The following ADCY10 variants were observed in gnomAD, a reference collection of about 807,000 sequenced individuals.
The protein encoded by ADCY10 is adenylate cyclase 10, also known as adenylate cyclase type 10.
In ADCY10, 156 loss-of-function variants were observed where a neutral mutation model predicts 183.3. That is an observed-to-expected ratio of 0.85 (90% CI 0.75 to 0.97). The LOEUF (loss-of-function observed/expected upper bound fraction) is 0.97, where lower values mean the gene tolerates loss of function less well. ADCY10 is among the 50% of genes least tolerant of loss of function. ADCY10 has a pLI of 0.00. For missense variants in ADCY10, 1,745 were observed against 1,934.3 expected, an observed-to-expected ratio of 0.90 and a Z score of 1.84; for synonymous variants, 645 against 670.0, an observed-to-expected ratio of 0.96 and a Z score of 0.58.
intron 8 of ADCY10, among the ~76,000 whole-genome samples, chr1:167,888,599 G>A (rs1668384435): frequency 6.6e-6 from 1 of 152,010 alleles, no homozygotes; most frequent in Non-Finnish European, 1.5e-5. Context: ...TTTTTGGGCC[G>A]GGCGCGGTGG....
chr1:167,911,301 C>T (rs973348501), intron 1 of ADCY10, among the ~76,000 whole-genome samples: 1 of 152,180 alleles, frequency 6.6e-6, no homozygotes, highest in Non-Finnish European at 1.5e-5. Flanking sequence ...AAAATTTATT[C>T]AAAGACCTGT....
intron 2 of ADCY10, chr1:167,904,522 C>T: frequency 3.7e-6 from 1 of 271,540 alleles, no homozygotes; most frequent in Non-Finnish European, 6.9e-6. Context: ...TCCAAATTCT[C>T]AACTGTACAG....
chr1:167,828,348 G>A (rs185782038), intron 26 of ADCY10, among the ~76,000 whole-genome samples: 49 of 152,212 alleles, frequency 3.2e-4, no homozygotes, highest in Admixed American at 1.9e-3. Flanking sequence ...TAAAATCTTT[G>A]ATGTGTACTT....
At chr1:167,848,635 T>C in intron 18 of ADCY10, 146 bp from the exon 19 acceptor site, 1 of 856,254 alleles carries the variant, frequency 1.2e-6, no homozygotes, top group Non-Finnish European at 1.8e-6. Flanking sequence ...GAAACCTTTT[T>C]TTTGTTTTGT....
At chr1:167,825,629 A>G (rs182809718) in intron 26 of ADCY10, among the ~76,000 whole-genome samples, 1 of 151,998 alleles carries the variant, frequency 6.6e-6, no homozygotes, top group Non-Finnish European at 1.5e-5. Context: ...AAAAGATTTT[A>G]AAAAAAAGTA....
At chr1:167,898,142 C>T (rs969856867) in intron 6 of ADCY10, among the ~76,000 whole-genome samples, 1 of 151,018 alleles carries the variant, frequency 6.6e-6, no homozygotes. Flanking sequence ...TAGTATTGTA[C>T]CAATGTTAAT....
intron 1 of ADCY10, among the ~76,000 whole-genome samples, chr1:167,913,404 AAG>A (rs770396801): frequency 2.2e-4 from 34 of 152,168 alleles, no homozygotes; most frequent in Non-Finnish European, 4.3e-4. Flanking sequence ...CACGAGTCCA[AAG>A]AGGGAGATAC....
chr1:167,878,714 A>G, intron 11 of ADCY10, 79 bp from the exon 12 acceptor site: 4 of 1,442,650 alleles, frequency 2.8e-6, no homozygotes, highest in South Asian at 1.2e-5. Context: ...ATTGTCCCCA[A>G]ATAGCATTTT....
chr1:167,884,189 C>G (rs1292552648), intron 8 of ADCY10, among the ~76,000 whole-genome samples: 1 of 152,146 alleles, frequency 6.6e-6, no homozygotes, highest in Non-Finnish European at 1.5e-5. Context: ...CTACCTGATA[C>G]TGGGTAATTT....
At position 167,883,448 on chromosome 1, in the gene ADCY10, T is replaced by C; in HGVS notation, c.1009A>G (p.Met337Val). ...IFQGQINKVF[M>V]FDKGCSFLCV... is the part of the protein sequence containing the mutation. Reference sequence around the variant, plus strand: ...TAGTTCACACTTACCTTGTCAAACATGAAGACTTTATTGATTTGGCCTTGG... The same window carrying C: ...TAGTTCACACTTACCTTGTCAAACACGAAGACTTTATTGATTTGGCCTTGG... Residue 337 changes from methionine to valine, a missense_variant, in exon 9 of 33, where the codon ATG becomes GTG. Physicochemically the swap from Met to Val is conservative, Grantham distance 21. Coordinates refer to ENST00000367851, the MANE Select transcript of ADCY10 (RefSeq NM_018417.6). 1 of 1,614,226 alleles carries C rather than the reference T, an allele frequency of 6.2e-7. No homozygotes were observed. The highest frequency in any genetic ancestry group is 8.5e-7 in the Non-Finnish European group (1 of 1,180,034).
intron 14 of ADCY10, among the ~76,000 whole-genome samples, chr1:167,865,260 A>C (rs1666600202): frequency 6.6e-6 from 1 of 152,192 alleles, no homozygotes; most frequent in South Asian, 2.1e-4. Context: ...TTGTTTTGAA[A>C]GTTTAAGCAA....
intron 18 of ADCY10, among the ~76,000 whole-genome samples, chr1:167,849,881 G>A (rs1014693956): frequency 2.0e-5 from 3 of 152,198 alleles, no homozygotes; most frequent in African/African-American, 7.2e-5. Flanking sequence ...AGTACTTAGC[G>A]AGTTAGGGGA....
At chr1:167,853,905 C>A (rs1231805943) in intron 18 of ADCY10, among the ~76,000 whole-genome samples, 1 of 130,868 alleles carries the variant, frequency 7.6e-6, no homozygotes, top group Non-Finnish European at 1.6e-5. Flanking sequence ...GTGGTGCAAT[C>A]TCAGCTCACT....
At chr1:167,826,182 C>T (rs1663274346) in intron 26 of ADCY10, among the ~76,000 whole-genome samples, 1 of 152,110 alleles carries the variant, frequency 6.6e-6, no homozygotes, top group African/African-American at 2.4e-5. Flanking sequence ...GGAACATGTT[C>T]CAGATAATGC....
At chr1:167,812,376 A>G (rs1340241380) in intron 31 of ADCY10, among the ~76,000 whole-genome samples, 1 of 152,222 alleles carries the variant, frequency 6.6e-6, no homozygotes, top group Non-Finnish European at 1.5e-5. Flanking sequence ...TATAAAAGGA[A>G]AATTAGAAAG....
Position 167,905,123 on chromosome 1 carries a change from T to A in ADCY10, c.18A>T (p.Glu6Asp), listed in dbSNP as rs1190575616. 1.9e-6 allele frequency: 3 copies of A among 1,614,240 alleles called. No individual in the cohort carries two copies. Among genetic ancestry groups the A allele is most frequent in the Non-Finnish European group, 2.5e-6 (3 of 1,180,044 alleles). ...TGACTATGGGCCAGTCCTGGAATTC[T>A]TCTTTTGGAGTGTTCATGTTCAAGA... MNTPK[E>D]EFQDWPIVRI... The change falls in exon 2 of 33, where the codon GAA becomes GAT. Residue 6 changes from glutamate (E) to aspartate (D), a missense_variant. Transcript: ENST00000367851.
rs144341871 is a variant in ADCY10, at chr1:167,833,036, T to A, written c.3544A>T (p.Arg1182Ter). The A allele has an allele frequency of 2.5e-6, 4 of 1,614,170 alleles. No individual in the cohort carries two copies. The highest frequency in any genetic ancestry group is 3.4e-6 in the Non-Finnish European group (4 of 1,180,018). Residue 1182 changes from arginine (R) to a stop codon, truncating the protein, a stop_gained, in exon 25 of 33, where the codon AGA (arginine) becomes TGA (stop). Transcript: ENST00000367851. LOFTEE classifies it high-confidence loss of function. ...LFLHIHVEKN[R>*]HFHYVNRQAQ... ...TGCCGATTCACATAATGAAAGTGTC[T>A]GTTTTTCTCGACATGGATATGGAGA...
At chr1:167,831,837 G>A (rs1328992139) in intron 25 of ADCY10, among the ~76,000 whole-genome samples, 1 of 152,172 alleles carries the variant, frequency 6.6e-6, no homozygotes, top group Non-Finnish European at 1.5e-5. Flanking sequence ...AGTATTCACT[G>A]TTTATCTGAA....
Position 167,859,846 on chromosome 1 carries a change from T to C in ADCY10, c.1857A>G (p.Gln619=). ...EISRMSTLKK[Q]KQLEILFMKI... ...TCATAAACAATATTTCCAATTGTTT[T>C]TGCTTTTTCAAGGTGCTCATCCTGG... Residue 619 remains glutamine (Q), a synonymous_variant, in exon 16 of 33, where the codon CAA becomes CAG. Coordinates refer to ENST00000367851, the MANE Select transcript of ADCY10 (RefSeq NM_018417.6). 1 of 1,613,898 alleles carries C rather than the reference T, an allele frequency of 6.2e-7. No homozygotes were observed. The highest frequency in any genetic ancestry group is 8.5e-7 in the Non-Finnish European group (1 of 1,179,792).
Sources: gnomAD v4.1 joint callset for allele counts (sites outside exome capture counted in the v4.1 genomes callset) on GRCh38, gnomAD v4.1.1 for gene constraint, MANE v1.5 for transcripts, NCBI Gene and HGNC (gene_info 2026-07-23, HGNC 2026-07-21) for gene names.